The following PRKAG2 variants were observed in gnomAD, a reference collection of about 807,000 sequenced individuals.
The protein encoded by PRKAG2 is protein kinase AMP-activated non-catalytic subunit gamma 2.
A neutral mutation model predicts 69.6 loss-of-function variants in PRKAG2; 26 were observed. The ratio of observed to expected loss-of-function variants is 0.37; its 90% confidence interval spans 0.27 to 0.52. The LOEUF (loss-of-function observed/expected upper bound fraction) is 0.52, where lower values mean the gene tolerates loss of function less well. Among genes scored for constraint, PRKAG2 ranks in the 20% least tolerant of loss-of-function variants. The pLI is 0.90. For missense variants in PRKAG2, 557 were observed against 740.0 expected, an observed-to-expected ratio of 0.75 and a Z score of 2.87; for synonymous variants, 293 against 285.0, an observed-to-expected ratio of 1.03 and a Z score of -0.28.
chr7:151,834,751 C>T (rs894127279), intron 1 of PRKAG2, among the ~76,000 whole-genome samples: 3 of 152,300 alleles, frequency 2.0e-5, no homozygotes, highest in East Asian at 3.9e-4. Flanking sequence ...GGCGCAGTGC[C>T]GCCCCTCCCC....
At chr7:151,589,317 G>A (rs1432074052) in intron 6 of PRKAG2, among the ~76,000 whole-genome samples, 7 of 152,134 alleles carry the variant, frequency 4.6e-5, no homozygotes, top group East Asian at 1.9e-4. Context: ...TAGAAGGCAC[G>A]CGCCAGGACC....
At chr7:151,572,154 T>C (rs76747376) in intron 9 of PRKAG2, among the ~76,000 whole-genome samples, 22,189 of 152,242 alleles carry the variant, frequency 0.15, 1,735 homozygotes, top group African/African-American at 0.18. Flanking sequence ...ATGAAGAGAA[T>C]ATGGTCTTCA....
At chr7:151,764,547 C>T (rs544109639) in intron 3 of PRKAG2, among the ~76,000 whole-genome samples, 50 of 152,360 alleles carry the variant, frequency 3.3e-4, no homozygotes, top group South Asian at 1.9e-3. Flanking sequence ...ACCTGTCAGA[C>T]GACCCAGGGA....
At chr7:151,838,579 T>C (rs557391519) in intron 1 of PRKAG2, among the ~76,000 whole-genome samples, 171 of 151,778 alleles carry the variant, frequency 1.1e-3, no homozygotes, top group African/African-American at 3.8e-3. Flanking sequence ...TGGTGGTGCA[T>C]GCCTGTGGTC....
chr7:151,713,508 A>G (rs1795647384), intron 3 of PRKAG2, among the ~76,000 whole-genome samples: 1 of 152,216 alleles, frequency 6.6e-6, no homozygotes, highest in African/African-American at 2.4e-5. Context: ...TAGACAGAAC[A>G]GAATAATGAA....
At chr7:151,705,916 G>T (rs549019431) in intron 3 of PRKAG2, among the ~76,000 whole-genome samples, 3 of 150,366 alleles carry the variant, frequency 2.0e-5, no homozygotes, top group Admixed American at 2.0e-4. Flanking sequence ...ACATCCCCCC[G>T]CCCCCCATCT....
At position 151,651,532 on chromosome 7, in the gene PRKAG2, G is replaced by T. The variant is rs542601631; in HGVS notation, c.685-19394C>A. On this transcript the variant is annotated intron_variant, in intron 4 of 15. Coordinates refer to ENST00000287878, the MANE Select transcript of PRKAG2 (RefSeq NM_016203.4). The stretch of plus-strand genomic sequence containing the variant: ...TGAGGTAGGAGAATCTCTTGAACCC[G>T]GGAGGTGGAGGTTGCAGTGAGCTGA... Among the ~76,000 whole-genome samples, 4 of 152,266 alleles carry T rather than the reference G, an allele frequency of 2.6e-5. No homozygotes were observed. In the South Asian group the frequency reaches 8.3e-4, roughly 32 times the overall value.
chr7:151,742,741 C>T (rs6945777), intron 3 of PRKAG2, among the ~76,000 whole-genome samples: 4,355 of 152,242 alleles, frequency 0.029, 196 homozygotes, highest in African/African-American at 0.1. Context: ...GTGGGTACAC[C>T]GTACTCTGGA....
At chr7:151,872,693 G>A (rs56377426) in intron 1 of PRKAG2, among the ~76,000 whole-genome samples, 21,323 of 152,314 alleles carry the variant, frequency 0.14, 1,750 homozygotes, top group Non-Finnish European at 0.18. Flanking sequence ...TTGCCCCTCA[G>A]GGCATAATCC....
At chr7:151,625,489 T>G (rs1822615899) in intron 5 of PRKAG2, among the ~76,000 whole-genome samples, 1 of 151,922 alleles carries the variant, frequency 6.6e-6, no homozygotes, top group Non-Finnish European at 1.5e-5. Flanking sequence ...GCTTTAGAAA[T>G]GAAAGCGATG....
chr7:151,764,635 T>A (rs755313028), intron 3 of PRKAG2, among the ~76,000 whole-genome samples: 7 of 152,166 alleles, frequency 4.6e-5, no homozygotes, highest in Non-Finnish European at 1.0e-4. Context: ...AGTTCATGAG[T>A]CCTACCAGAA....
chr7:151,610,682 CA>C (rs1363854515), intron 5 of PRKAG2, among the ~76,000 whole-genome samples: 1 of 146,162 alleles, frequency 6.8e-6, no homozygotes, highest in Admixed American at 6.8e-5. Context: ...ATCTCAAAAA[CA>C]AAAAACAAAA....
chr7:151,722,803 C>A (rs1349482172), intron 3 of PRKAG2, among the ~76,000 whole-genome samples: 1 of 152,090 alleles, frequency 6.6e-6, no homozygotes, highest in African/African-American at 2.4e-5. Context: ...TAACACACAG[C>A]AAAACTGATT....
At position 151,814,694 on chromosome 7, in the gene PRKAG2, C is replaced by T. The variant is rs1038642867; in HGVS notation, c.115-28153G>A. On this transcript the variant is annotated intron_variant, in intron 1 of 15. Coordinates refer to ENST00000287878, the MANE Select transcript of PRKAG2 (RefSeq NM_016203.4). This position sits in a 1 kb window ranked among gnomAD's most constrained non-coding sequence, Gnocchi z 4.8. ...GGTGTGTTCCCAGTCCCCAAGGCAG[C>T]GCAACAAGCGGCTGGCAGACAGCAT... 2.3e-5 allele frequency: 28 copies of T among 1,231,662 alleles called. No individual in the cohort carries two copies. Among genetic ancestry groups the T allele is most frequent in the South Asian group, 1.6e-4 (4 of 24,326 alleles). 76.3% of individuals were successfully genotyped at this position (1,231,662 alleles called of 1,614,324 possible).
At chr7:151,608,349 C>T (rs1485354114) in intron 5 of PRKAG2, among the ~76,000 whole-genome samples, 1 of 152,220 alleles carries the variant, frequency 6.6e-6, no homozygotes, top group Non-Finnish European at 1.5e-5. Context: ...TACTTCCTCC[C>T]ATAAAACCTT....
chr7:151,754,958 G>C (rs544386133), intron 3 of PRKAG2, among the ~76,000 whole-genome samples: 3 of 152,234 alleles, frequency 2.0e-5, no homozygotes, highest in East Asian at 1.9e-4. Flanking sequence ...CTCTCTGAGA[G>C]GCAGGCTCTG....
intron 1 of PRKAG2, among the ~76,000 whole-genome samples, chr7:151,827,757 A>AAAAAAAC (rs2078936094): frequency 6.8e-5 from 10 of 147,916 alleles, no homozygotes; most frequent in Admixed American, 2.0e-4. Flanking sequence ...AAAAAAAAAA[A>AAAAAAAC]AAAAAAAAAA....
chr7:151,813,815 T>G (rs1469151948), intron 1 of PRKAG2, among the ~76,000 whole-genome samples: 1 of 152,168 alleles, frequency 6.6e-6, no homozygotes, highest in Non-Finnish European at 1.5e-5. Context: ...CAAGTAAGCG[T>G]TGGGCTCCAC....
At chr7:151,831,978 TG>T (rs2151876119) in intron 1 of PRKAG2, among the ~76,000 whole-genome samples, 1 of 151,938 alleles carries the variant, frequency 6.6e-6, no homozygotes, top group Non-Finnish European at 1.5e-5. Flanking sequence ...ACTCACACAC[TG>T]GGGCCTCCAC....
Sources: allele counts gnomAD v4.1 joint callset (sites outside exome capture counted in the v4.1 genomes callset), GRCh38; gene constraint gnomAD v4.1.1; non-coding constraint Gnocchi (gnomAD v3.1); transcripts MANE v1.5; gene names NCBI Gene and HGNC (gene_info 2026-07-23, HGNC 2026-07-21).